Variants in SOX5 observed in about 807,000 individuals in gnomAD.
SOX5 encodes SRY-box transcription factor 5, also known as transcription factor SOX-5.
A neutral mutation model predicts 92.0 loss-of-function variants in SOX5; 9 were observed. That is an observed-to-expected ratio of 0.10 (90% CI 0.06 to 0.17). The LOEUF (loss-of-function observed/expected upper bound fraction) is 0.17. Ranked by LOEUF, SOX5 falls within the 10% of genes least tolerant of loss-of-function variation. The pLI, the probability that SOX5 is intolerant of heterozygous loss-of-function variation, is 1.00. For synonymous variants in SOX5, 344 were observed against 336.3 expected, an observed-to-expected ratio of 1.02 and a Z score of -0.25; for missense variants, 642 against 944.5, an observed-to-expected ratio of 0.68 and a Z score of 4.20.
At chr12:24,249,202 A>T (rs935434800) in intron 3 of SOX5, among the ~76,000 whole-genome samples, 7 of 152,232 alleles carry the variant, frequency 4.6e-5, no homozygotes, top group Non-Finnish European at 4.4e-5. Flanking sequence ...GAGGGAGAGT[A>T]AATGTGAAGA....
At chr12:24,273,580 T>C (rs1358337380) in intron 3 of SOX5, among the ~76,000 whole-genome samples, 1 of 152,218 alleles carries the variant, frequency 6.6e-6, no homozygotes, top group East Asian at 1.9e-4. Flanking sequence ...CTCTTGCATT[T>C]TAGCTCAGTC....
intron 6 of SOX5, among the ~76,000 whole-genome samples, chr12:23,707,884 G>A (rs2091597771): frequency 6.6e-6 from 1 of 152,072 alleles, no homozygotes; most frequent in African/African-American, 2.4e-5. Flanking sequence ...TATTTTCAGA[G>A]GGTGGATTTG....
chr12:24,118,293 A>G (rs923857978), intron 4 of SOX5, among the ~76,000 whole-genome samples: 1 of 152,188 alleles, frequency 6.6e-6, no homozygotes, highest in Non-Finnish European at 1.5e-5. Context: ...GAGGTGATGC[A>G]TATGTTAATT....
chr12:24,309,282 T>C (rs977677447), intron 2 of SOX5, among the ~76,000 whole-genome samples: 1 of 152,248 alleles, frequency 6.6e-6, no homozygotes, highest in Non-Finnish European at 1.5e-5. Flanking sequence ...TCTATTGTTT[T>C]GTTAATTGTC....
chr12:23,766,376 G>A (rs2094726777), intron 3 of SOX5, among the ~76,000 whole-genome samples: 1 of 152,044 alleles, frequency 6.6e-6, no homozygotes, highest in Admixed American at 6.6e-5. Flanking sequence ...ATTATCAAGA[G>A]CATAATAGAA....
At chr12:24,347,965 G>A (rs1359825701) in intron 2 of SOX5, among the ~76,000 whole-genome samples, 1 of 147,314 alleles carries the variant, frequency 6.8e-6, no homozygotes. Flanking sequence ...GTTAAGTAGT[G>A]GTTCACTGCT....
intron 9 of SOX5, among the ~76,000 whole-genome samples, chr12:23,576,699 T>C (rs141151324): frequency 6.6e-6 from 1 of 152,256 alleles, no homozygotes; most frequent in African/African-American, 2.4e-5. Flanking sequence ...ACATGAGACT[T>C]ATAGATACAG....
intron 6 of SOX5, among the ~76,000 whole-genome samples, chr12:23,688,126 T>C (rs2087986315): frequency 6.6e-6 from 1 of 152,060 alleles, no homozygotes; most frequent in South Asian, 2.1e-4. Flanking sequence ...TGCTTGCAAA[T>C]GCCTTTTATA....
At chr12:24,186,521 C>A (rs1486997320) in intron 4 of SOX5, among the ~76,000 whole-genome samples, 1 of 151,612 alleles carries the variant, frequency 6.6e-6, no homozygotes, top group Non-Finnish European at 1.5e-5. Context: ...TATAATAACT[C>A]CAGGAATGGC....
intron 2 of SOX5, among the ~76,000 whole-genome samples, chr12:24,348,988 C>A (rs1328169388): frequency 1.3e-5 from 2 of 152,172 alleles, no homozygotes; most frequent in South Asian, 2.1e-4. Flanking sequence ...GTCCATTAAA[C>A]CTCTTTCCTT....
At chr12:23,699,699 G>T (rs1194907038) in intron 6 of SOX5, among the ~76,000 whole-genome samples, 1 of 151,960 alleles carries the variant, frequency 6.6e-6, no homozygotes, top group Non-Finnish European at 1.5e-5. Flanking sequence ...TTAATTTTGA[G>T]TATATGTTTC....
chr12:23,848,934 C>T (rs1318328280), intron 2 of SOX5, among the ~76,000 whole-genome samples: 2 of 152,156 alleles, frequency 1.3e-5, no homozygotes, highest in African/African-American at 4.8e-5. Context: ...AACCTTACCC[C>T]TTTTGTTATC....
intron 4 of SOX5, among the ~76,000 whole-genome samples, chr12:24,002,938 C>G (rs1219484686): frequency 2.0e-5 from 3 of 149,916 alleles, no homozygotes; most frequent in African/African-American, 7.3e-5. Flanking sequence ...AATATATTAA[C>G]AAACTGATCC....
chr12:24,089,867 A>G (rs1333584063), intron 4 of SOX5, among the ~76,000 whole-genome samples: 1 of 152,142 alleles, frequency 6.6e-6, no homozygotes, highest in African/African-American at 2.4e-5. Flanking sequence ...GCCCTCCACA[A>G]GTGTTTGGTA....
chr12:24,539,030 T>C (rs1459292996), intron 1 of SOX5, among the ~76,000 whole-genome samples: 1 of 152,122 alleles, frequency 6.6e-6, no homozygotes, highest in Non-Finnish European at 1.5e-5. Flanking sequence ...ATAAGTAACA[T>C]AAATTTACCA....
intron 4 of SOX5, among the ~76,000 whole-genome samples, chr12:24,007,019 G>C (rs1381664739): frequency 6.6e-6 from 1 of 150,600 alleles, no homozygotes; most frequent in Non-Finnish European, 1.5e-5. Flanking sequence ...TGTAATCCCA[G>C]CTACTCGGGA....
chr12:23,829,633 C>G (rs1425814188), intron 3 of SOX5, among the ~76,000 whole-genome samples: 1 of 152,090 alleles, frequency 6.6e-6, no homozygotes, highest in African/African-American at 2.4e-5. Context: ...GACAAGAAAA[C>G]AGGTACACCA....
chr12:23,708,182 A>AC (rs1555277770), intron 6 of SOX5, among the ~76,000 whole-genome samples: 1 of 146,146 alleles, frequency 6.8e-6, no homozygotes, highest in Non-Finnish European at 1.5e-5. Context: ...TCTGGGAACT[A>AC]TTTTTTTTTT....
At chr12:24,438,082 C>T (rs554778725) in intron 1 of SOX5, among the ~76,000 whole-genome samples, 1 of 152,328 alleles carries the variant, frequency 6.6e-6, no homozygotes, top group East Asian at 1.9e-4. Context: ...CACATATATA[C>T]CATGGAATAC....
Sources: gnomAD v4.1 joint callset for allele counts (sites outside exome capture counted in the v4.1 genomes callset) on GRCh38, gnomAD v4.1.1 for gene constraint, MANE v1.5 for transcripts, NCBI Gene and HGNC (gene_info 2026-07-23, HGNC 2026-07-21) for gene names.